Variants in TTC23 observed in about 807,000 individuals in gnomAD.
The protein encoded by TTC23 is tetratricopeptide repeat domain 23, also known as tetratricopeptide repeat protein 23.
Under a neutral mutation model 55.1 loss-of-function variants are expected in TTC23, and 58 were observed. The observed-to-expected ratio is 1.05, with a 90% CI of 0.85 to 1.31. The LOEUF is 1.31. Among genes scored for constraint, TTC23 ranks in the 50% most tolerant of loss-of-function variants. The probability of loss-of-function intolerance (pLI) is 0.00; values close to 1 mark genes in which losing one functional copy is unlikely to be tolerated. For missense variants in TTC23, 516 were observed against 534.4 expected (o/e 0.97, Z 0.34); for synonymous variants, 203 against 199.9 (o/e 1.02, Z -0.13).
chr15:99,212,122 A>C (rs1596717091), intron 8 of TTC23, among the ~76,000 whole-genome samples: 1 of 152,338 alleles, frequency 6.6e-6, no homozygotes, highest in African/African-American at 2.4e-5. Flanking sequence ...TGCCAGGCAA[A>C]GTGTTCGCTG....
At chr15:99,183,352 C>T (rs1218312311) in intron 9 of TTC23, among the ~76,000 whole-genome samples, 3 of 149,774 alleles carry the variant, frequency 2.0e-5, no homozygotes, top group African/African-American at 4.9e-5. Context: ...GACAGAGTCT[C>T]GCTCTGTCAC....
intron 10 of TTC23, among the ~76,000 whole-genome samples, chr15:99,167,929 C>T (rs999929431): frequency 4.6e-5 from 7 of 152,180 alleles, no homozygotes; most frequent in African/African-American, 9.7e-5. Flanking sequence ...CATAGCCTGG[C>T]GCTAACCTGG....
chr15:99,161,943 G>T, intron 10 of TTC23, 76 bp from the exon 11 acceptor site: 2 of 1,423,624 alleles, frequency 1.4e-6, no homozygotes, highest in East Asian at 4.7e-5. Flanking sequence ...TATACTGTTA[G>T]CAGTGTTGAG....
At chr15:99,239,629 G>A (rs982067689) in intron 3 of TTC23, among the ~76,000 whole-genome samples, 1 of 152,162 alleles carries the variant, frequency 6.6e-6, no homozygotes, top group African/African-American at 2.4e-5. Flanking sequence ...CTAAGATGTT[G>A]GCTAACTTTT....
intron 3 of TTC23, among the ~76,000 whole-genome samples, chr15:99,235,593 A>G (rs752961344): frequency 6.6e-5 from 10 of 152,046 alleles, no homozygotes; most frequent in Non-Finnish European, 1.2e-4. Context: ...GATGGTCTCA[A>G]TCTCCTGACC....
chr15:99,187,452 C>CAAAAAAAAAAAAAAA lies in TTC23; in HGVS notation c.760-12312_760-12298dup, dbSNP rs66568931. Among the ~76,000 whole-genome samples, 150 of 44,372 alleles carry CAAAAAAAAAAAAAAA rather than the reference C, an allele frequency of 3.4e-3. 6 individuals carry two copies. The highest frequency in any genetic ancestry group is 0.037 in the Middle Eastern group (2 of 54). 29.1% of individuals were successfully genotyped at this position (44,372 alleles called of 152,430 possible). On this transcript the variant is annotated intron_variant, in intron 9 of 13. Transcript: ENST00000394132. ...GGAGATGTGATGCCAAAAGCACAAG[C>CAAAAAAAAAAAAAAA]AAAAAAAAAAAAAAAACAAAACAAA... is the stretch of plus-strand genomic sequence containing the variant.
Position 99,137,795 on chromosome 15 carries a change from A to G in TTC23, c.*215T>C. On this transcript the variant is annotated 3_prime_UTR_variant, in exon 14 of 14. Coordinates refer to ENST00000394132, the MANE Select transcript of TTC23 (RefSeq NM_001288615.3). ...AGAAAAACCACTTAGGTGATAGAAAACTGCTTTATAGCATATATCACCCTG... is the reference window on the plus strand; with the variant it reads ...AGAAAAACCACTTAGGTGATAGAAAGCTGCTTTATAGCATATATCACCCTG... 1.5e-6 allele frequency: 1 copy of G among 679,154 alleles called. No homozygotes were observed. Among genetic ancestry groups the G allele is most frequent in the Non-Finnish European group, 2.3e-6 (1 of 430,762 alleles). The allele number at this position is 679,154 out of a possible 1,614,324, so 42.1% of individuals were successfully genotyped here. A position where few individuals can be genotyped will look rare whatever the true frequency, so the allele number is the denominator to read the frequency against.
chr15:99,246,113 T>G (rs2080221286), intron 1 of TTC23, among the ~76,000 whole-genome samples: 1 of 152,098 alleles, frequency 6.6e-6, no homozygotes. Context: ...CCCAGCCTGT[T>G]AGGCAAAGAC....
intron 9 of TTC23, among the ~76,000 whole-genome samples, chr15:99,181,980 A>C (rs868842676): frequency 6.6e-6 from 1 of 152,198 alleles, no homozygotes; most frequent in Non-Finnish European, 1.5e-5. Flanking sequence ...CATTAGCAAC[A>C]AAATAGATAC....
At chr15:99,230,638 A>G (rs532014365) in intron 4 of TTC23, among the ~76,000 whole-genome samples, 2 of 152,154 alleles carry the variant, frequency 1.3e-5, no homozygotes, top group African/African-American at 2.4e-5. Context: ...CGTATAAAAA[A>G]TAAAGATAAA....
intron 10 of TTC23, among the ~76,000 whole-genome samples, chr15:99,166,013 G>A (rs1481001700): frequency 6.6e-6 from 1 of 152,174 alleles, no homozygotes; most frequent in Non-Finnish European, 1.5e-5. Context: ...TCTCAGCCTT[G>A]TCCCTAACGA....
intron 12 of TTC23, chr15:99,155,314 G>T (rs782292881): frequency 2.0e-5 from 3 of 152,104 alleles, no homozygotes; most frequent in African/African-American, 4.8e-5. Context: ...TGAAGAAATG[G>T]AAAGATATCC....
intron 12 of TTC23, among the ~76,000 whole-genome samples, chr15:99,147,936 T>C (rs2069150241): frequency 6.6e-6 from 1 of 152,052 alleles, no homozygotes; most frequent in African/African-American, 2.4e-5. Flanking sequence ...ACTGATGGAA[T>C]TACAGGGAAC....
chr15:99,249,767 C>T (rs1271424983), upstream of TTC23: 2 of 152,070 alleles, frequency 1.3e-5, no homozygotes, highest in Admixed American at 6.6e-5. Context: ...TGTCAAAGAA[C>T]GTGAAATCAC....
intron 12 of TTC23, among the ~76,000 whole-genome samples, chr15:99,145,721 T>C (rs2068778454): frequency 6.6e-6 from 1 of 152,162 alleles, no homozygotes; most frequent in Non-Finnish European, 1.5e-5. Flanking sequence ...TCTGTCCCTC[T>C]CACCCAGCCC....
Position 99,147,168 on chromosome 15 carries a change from T to C in TTC23, c.1144-7769A>G, listed in dbSNP as rs2068991207. Among the ~76,000 whole-genome samples, 2 of 149,892 alleles carry C rather than the reference T, an allele frequency of 1.3e-5. 1 individual carries two copies. The highest frequency in any genetic ancestry group is 4.2e-4 in the South Asian group (2 of 4,788). ...GACAGGTGGTCCACCCACCTCGGCC[T>C]CTCAAAGTGTTGGGATTATAGGTGT... On this transcript the variant is annotated intron_variant, in intron 12 of 13. Coordinates refer to ENST00000394132, the MANE Select transcript of TTC23 (RefSeq NM_001288615.3).
intron 9 of TTC23, among the ~76,000 whole-genome samples, chr15:99,187,469 C>CAAAAAAA (rs1451783999): frequency 4.5e-5 from 5 of 110,650 alleles, no homozygotes; most frequent in East Asian, 2.8e-4. Context: ...AAAAAAAAAA[C>CAAAAAAA]AAAACAAAAG....
At chr15:99,153,427 A>G (rs1172898272) in intron 12 of TTC23, among the ~76,000 whole-genome samples, 5 of 152,150 alleles carry the variant, frequency 3.3e-5, no homozygotes, top group Non-Finnish European at 7.4e-5. Flanking sequence ...GTGTTACCAA[A>G]TCTACTGTCT....
chr15:99,149,739 A>G (rs147057988), intron 12 of TTC23, among the ~76,000 whole-genome samples: 1 of 152,346 alleles, frequency 6.6e-6, no homozygotes, highest in Non-Finnish European at 1.5e-5. Context: ...TAACAGAGCT[A>G]TGCAGGTCTG....
Sources: allele counts gnomAD v4.1 joint callset (sites outside exome capture counted in the v4.1 genomes callset), GRCh38; gene constraint gnomAD v4.1.1; transcripts MANE v1.5; gene names NCBI Gene and HGNC (gene_info 2026-07-23, HGNC 2026-07-21).